SUN3: variants seen among roughly 807,000 people sequenced by gnomAD.
SUN3 encodes Sad1 and UNC84 domain containing 3, also known as SUN domain-containing protein 3.
SUN3 carries 36 observed loss-of-function variants against 48.2 expected under a neutral mutation model. The observed-to-expected ratio is 0.75, with a 90% CI of 0.57 to 0.99. The LOEUF (loss-of-function observed/expected upper bound fraction) is 0.99. Ranked by LOEUF, SUN3 falls within the 50% of genes least tolerant of loss-of-function variation. The probability of loss-of-function intolerance (pLI) is 0.00; values close to 1 mark genes in which losing one functional copy is unlikely to be tolerated. For missense variants in SUN3, 419 were observed against 433.1 expected, an observed-to-expected ratio of 0.97 and a Z score of 0.29; for synonymous variants, 148 against 147.9, an observed-to-expected ratio of 1.00 and a Z score of 0.00.
rs372342921 is a variant in SUN3 at position 48,025,769 on chromosome 7, T to C, written c.184+108A>G. On this transcript the variant is annotated intron_variant, in intron 2 of 9. Transcript: ENST00000297325. ...AGAATGTGCAGGTCACCTCCAGCACTTTCCGTGGCATTTATTTACAAATAT... is the reference window on the plus strand; with the variant it reads ...AGAATGTGCAGGTCACCTCCAGCACCTTCCGTGGCATTTATTTACAAATAT... 15 of 706,284 alleles carry C rather than the reference T, an allele frequency of 2.1e-5. No individual in the cohort carries two copies. The African/African-American group carries it at 2.4e-4, about 11-fold the overall frequency. The allele number at this position is 706,284 out of a possible 1,614,324, so 43.8% of individuals were successfully genotyped here.
At chr7:48,020,801 T>C (rs547584697) in intron 2 of SUN3, among the ~76,000 whole-genome samples, 22 of 152,100 alleles carry the variant, frequency 1.4e-4, no homozygotes, top group African/African-American at 5.3e-4. Flanking sequence ...AAAAAGTAGA[T>C]AGCTCATGTT....
intron 6 of SUN3, among the ~76,000 whole-genome samples, chr7:48,001,490 A>G (rs548739627): frequency 6.9e-6 from 1 of 145,968 alleles, no homozygotes; most frequent in South Asian, 2.2e-4. Context: ...TCTATCATTG[A>G]TCAGCATTTA....
At chr7:48,012,514 T>C (rs1473860271) in intron 3 of SUN3, among the ~76,000 whole-genome samples, 3 of 152,172 alleles carry the variant, frequency 2.0e-5, no homozygotes, top group Non-Finnish European at 4.4e-5. Context: ...ACATGGTCAT[T>C]AAAATTTTTT....
At chr7:48,007,997 T>C (rs888423725) in intron 4 of SUN3, among the ~76,000 whole-genome samples, 1 of 151,862 alleles carries the variant, frequency 6.6e-6, no homozygotes, top group African/African-American at 2.4e-5. Flanking sequence ...CTAATTTTTG[T>C]ATTTTTAGTA....
At chr7:48,025,091 A>C (rs1176135153) in intron 2 of SUN3, among the ~76,000 whole-genome samples, 2 of 152,208 alleles carry the variant, frequency 1.3e-5, no homozygotes, top group Non-Finnish European at 2.9e-5. Context: ...GTGTTCAAAT[A>C]AGCACACATA....
intron 6 of SUN3, among the ~76,000 whole-genome samples, chr7:47,998,379 T>C (rs1205228501): frequency 3.9e-5 from 6 of 152,230 alleles, no homozygotes; most frequent in Non-Finnish European, 7.3e-5. Context: ...TAATGAAGTG[T>C]CTTCCAAACC....
chr7:48,018,044 G>A (rs191941350), intron 2 of SUN3, among the ~76,000 whole-genome samples: 18 of 152,308 alleles, frequency 1.2e-4, no homozygotes, highest in East Asian at 3.9e-4. Context: ...AGCAGAGAAC[G>A]TAATGTGCAT....
chr7:48,014,620 C>T (rs766688705), intron 3 of SUN3, among the ~76,000 whole-genome samples: 2 of 152,198 alleles, frequency 1.3e-5, no homozygotes, highest in Non-Finnish European at 2.9e-5. Flanking sequence ...CAGAAAGAAA[C>T]CAATCCTGCA....
chr7:48,004,593 C>G (rs1388739934), intron 6 of SUN3, among the ~76,000 whole-genome samples: 2 of 152,236 alleles, frequency 1.3e-5, no homozygotes, highest in Non-Finnish European at 2.9e-5. Context: ...CGCAAACAGA[C>G]AGGGGAGCAG....
At chr7:47,987,571 T>C in intron 9 of SUN3, 122 bp from the exon 10 acceptor site, 2 of 962,320 alleles carry the variant, frequency 2.1e-6, no homozygotes, top group African/African-American at 1.7e-5. Context: ...TCTGGCTCTG[T>C]CACACAGGCT....
In SUN3 at chr7:48,007,341, ATC is replaced by A. The variant is rs1789554323; in HGVS notation, c.330-16_330-15del. The stretch of plus-strand genomic sequence containing the variant: ...TGGCTTTCCTTCCTGTAAAGGGAAA[ATC>A]TCAGCATGAGAGGAAGAAAGTGTAA... On this transcript the variant is annotated splice_polypyrimidine_tract_variant and intron_variant, in intron 4 of 9. Coordinates refer to ENST00000297325, the MANE Select transcript of SUN3 (RefSeq NM_001030019.2). The A allele has an allele frequency of 6.2e-7, 1 of 1,610,810 alleles. No individual in the cohort carries two copies. Among genetic ancestry groups the A allele is most frequent in the Non-Finnish European group, 8.5e-7 (1 of 1,178,112 alleles).
chr7:47,997,457 T>C (rs1423871016), intron 6 of SUN3, among the ~76,000 whole-genome samples: 1 of 152,160 alleles, frequency 6.6e-6, no homozygotes, highest in Non-Finnish European at 1.5e-5. Flanking sequence ...GGGGACTGAA[T>C]ACCCCATCCC....
chr7:48,004,014 T>A (rs1229687482), intron 6 of SUN3, among the ~76,000 whole-genome samples: 3 of 152,230 alleles, frequency 2.0e-5, no homozygotes, highest in Non-Finnish European at 4.4e-5. Flanking sequence ...ATATAGTCAA[T>A]ATTTATTTTA....
intron 8 of SUN3, among the ~76,000 whole-genome samples, chr7:47,990,030 T>C (rs1370076715): frequency 1.3e-5 from 2 of 152,226 alleles, no homozygotes; most frequent in African/African-American, 4.8e-5. Flanking sequence ...CCCCATGTGA[T>C]AGTCTGAAAT....
chr7:48,000,220 C>T (rs191936804), intron 6 of SUN3: 20 of 152,418 alleles, frequency 1.3e-4, no homozygotes, highest in African/African-American at 4.8e-4. Flanking sequence ...TCACTGCAAC[C>T]TCCGCATCCT....
rs1190080339 is a variant in SUN3 at position 47,987,164 on chromosome 7, AT to A, written c.*165del. 7.3e-6 allele frequency: 4 copies of A among 549,408 alleles called. No individual in the cohort carries two copies. The highest frequency in any genetic ancestry group is 1.2e-5 in the Non-Finnish European group (4 of 345,624). The allele number at this position is 549,408 out of a possible 1,614,324, so 34.0% of individuals were successfully genotyped here. On this transcript the variant is annotated 3_prime_UTR_variant, in exon 10 of 10. Transcript: ENST00000297325. ...GCAAGGATATTTAATTTACTTCCAT[AT>A]TTTTTTATTAGTAAAATGCATTTAC...
rs117944605 is a variant in SUN3 at position 48,001,109 on chromosome 7, C to A, written c.577+4860G>T. On this transcript the variant is annotated intron_variant, in intron 6 of 9. Coordinates refer to ENST00000297325, the MANE Select transcript of SUN3 (RefSeq NM_001030019.2). ...CTTCTTTATTTTTAATTTTTAAGTT[C>A]GGGGTACATGTGCAGGTTTGTTACA... Among the ~76,000 whole-genome samples, 68 of 151,918 alleles carry A rather than the reference C, an allele frequency of 4.5e-4. 1 individual carries two copies. In the East Asian group the frequency reaches 0.013, roughly 29 times the overall value.
At chr7:47,995,234 G>T (rs565695945) in intron 7 of SUN3, among the ~76,000 whole-genome samples, 3 of 151,508 alleles carry the variant, frequency 2.0e-5, no homozygotes, top group Non-Finnish European at 2.9e-5. Flanking sequence ...AGATGGTGAG[G>T]TGGTGGTGGT....
At chr7:48,035,373 G>T in the SUN3 span, 12 of 603,904 alleles carry the variant, frequency 2.0e-5, no homozygotes, top group Non-Finnish European at 3.0e-5. The surrounding 1 kb of genome is among the most constrained non-coding windows in gnomAD (Gnocchi z 4.0). Flanking sequence ...TCTGGGCTAC[G>T]GGCAGTTGAC....
Sources: gnomAD v4.1 joint callset for allele counts (sites outside exome capture counted in the v4.1 genomes callset) on GRCh38, gnomAD v4.1.1 for gene constraint, Gnocchi (gnomAD v3.1) non-coding constraint, MANE v1.5 for transcripts, NCBI Gene and HGNC (gene_info 2026-07-23, HGNC 2026-07-21) for gene names.